Variants in CD2AP observed in about 807,000 individuals in gnomAD.
CD2AP encodes CD2 associated protein.
CD2AP carries 46 observed loss-of-function variants against 85.1 expected under a neutral mutation model. That is an observed-to-expected ratio of 0.54 (90% CI 0.43 to 0.69). The LOEUF is 0.69. CD2AP is among the 30% of genes least tolerant of loss of function. CD2AP has a pLI of 0.00. For synonymous variants in CD2AP, 255 were observed against 252.9 expected (o/e 1.01, Z -0.08); for missense variants, 769 against 729.5 (o/e 1.05, Z -0.62).
intron 2 of CD2AP, among the ~76,000 whole-genome samples, chr6:47,507,894 C>T (rs1179072407): frequency 6.6e-6 from 1 of 152,206 alleles, no homozygotes; most frequent in Non-Finnish European, 1.5e-5. Flanking sequence ...GATGCATCAT[C>T]AATATGCATT....
chr6:47,595,083 A>G (rs1395537009), intron 11 of CD2AP, among the ~76,000 whole-genome samples: 1 of 152,054 alleles, frequency 6.6e-6, no homozygotes, highest in Non-Finnish European at 1.5e-5. Flanking sequence ...TCATGTATGC[A>G]TGTGTCAATT....
At chr6:47,493,654 C>G (rs928942129) in intron 1 of CD2AP, among the ~76,000 whole-genome samples, 1 of 152,022 alleles carries the variant, frequency 6.6e-6, no homozygotes, top group East Asian at 1.9e-4. Flanking sequence ...ATATTCTGCT[C>G]TGTTTCCCCA....
In CD2AP at chr6:47,554,696, T is replaced by A. The variant is rs772227398; in HGVS notation, c.471T>A (p.Phe157Leu). 6.2e-7 allele frequency: 1 copy of A among 1,613,658 alleles called. No homozygotes were observed. Residue 157 changes from phenylalanine (F) to leucine (L), a missense_variant, in exon 5 of 18, where the codon TTT (phenylalanine) becomes TTA (leucine). Transcript: ENST00000359314. ...SGTLNNKLGL[F>L]PSNFVKELEV... ...CCCTGAATAACAAGTTGGGACTGTT[T>A]CCCTCAAATTTTGTGAAAGAATTAG...
At chr6:47,606,833 T>A (rs1769289537) in intron 14 of CD2AP, among the ~76,000 whole-genome samples, 1 of 152,064 alleles carries the variant, frequency 6.6e-6, no homozygotes. Context: ...TAAATTGTAC[T>A]CTTAGTTATT....
At chr6:47,499,270 C>T (rs1239521831) in intron 1 of CD2AP, among the ~76,000 whole-genome samples, 1 of 151,884 alleles carries the variant, frequency 6.6e-6, no homozygotes, top group Non-Finnish European at 1.5e-5. Context: ...TTGCTGGTTT[C>T]AGGTCCATTA....
chr6:47,586,836 G>C (rs1261681297), intron 11 of CD2AP, among the ~76,000 whole-genome samples: 3 of 152,138 alleles, frequency 2.0e-5, no homozygotes, highest in African/African-American at 7.2e-5. Context: ...GGAATGACTT[G>C]AAAACTTAAT....
At chr6:47,529,142 G>A (rs1315599037) in intron 2 of CD2AP, among the ~76,000 whole-genome samples, 1 of 142,270 alleles carries the variant, frequency 7.0e-6, no homozygotes, top group East Asian at 2.1e-4. Flanking sequence ...TATAACTTAG[G>A]GCACATTCTG....
chr6:47,626,614 T>C lies in CD2AP; in HGVS notation c.*2387T>C, dbSNP rs567065074. The C allele has an allele frequency of 1.3e-5, 2 of 152,522 alleles. No homozygotes were observed. Among genetic ancestry groups the C allele is most frequent in the African/African-American group, 4.8e-5 (2 of 41,570 alleles). 9.4% of individuals were successfully genotyped at this position (152,522 alleles called of 1,614,324 possible). ...TTTGTTTGTGACCACTAAGCTTCTGTCTTAATACAAAGCTGTTACCTTCTA... is the reference window on the plus strand; with the variant it reads ...TTTGTTTGTGACCACTAAGCTTCTGCCTTAATACAAAGCTGTTACCTTCTA... On this transcript the variant is annotated 3_prime_UTR_variant, in exon 18 of 18. Transcript: ENST00000359314.
chr6:47,609,988 C>T (rs568752322), intron 16 of CD2AP, among the ~76,000 whole-genome samples: 55 of 152,110 alleles, frequency 3.6e-4, no homozygotes, highest in Non-Finnish European at 7.1e-4. Flanking sequence ...TTGAGTTGGA[C>T]ATTTATAAAA....
intron 12 of CD2AP, among the ~76,000 whole-genome samples, chr6:47,597,330 AACT>A (rs1200119444): frequency 2.0e-5 from 3 of 150,726 alleles, no homozygotes; most frequent in Non-Finnish European, 4.5e-5. Flanking sequence ...AGAGCAGCTG[AACT>A]CCTCCACTAG....
intron 5 of CD2AP, among the ~76,000 whole-genome samples, chr6:47,572,800 C>T (rs538462423): frequency 1.7e-3 from 254 of 152,258 alleles, no homozygotes; most frequent in African/African-American, 5.9e-3. Flanking sequence ...TTAAGAAGCT[C>T]ATGTGGGCTT....
In CD2AP at chr6:47,626,170, T is replaced by C. The variant is rs1052932528; in HGVS notation, c.*1943T>C. 2.0e-5 allele frequency: 3 copies of C among 151,920 alleles called. No individual in the cohort carries two copies. The highest frequency in any genetic ancestry group is 7.2e-5 in the African/African-American group (3 of 41,418). 9.4% of individuals were successfully genotyped at this position (151,920 alleles called of 1,614,324 possible). A position where few individuals can be genotyped will look rare whatever the true frequency, so the allele number is the denominator to read the frequency against. ...AAGTTTTTGTTGGTCATTTTCTCAA[T>C]AGTACATGAAATCAAGATGCTTATG... On this transcript the variant is annotated 3_prime_UTR_variant, in exon 18 of 18. Coordinates refer to ENST00000359314, the MANE Select transcript of CD2AP (RefSeq NM_012120.3).
intron 2 of CD2AP, among the ~76,000 whole-genome samples, chr6:47,512,535 GA>G (rs1383412520): frequency 1.3e-5 from 2 of 152,176 alleles, no homozygotes; most frequent in Non-Finnish European, 2.9e-5. Context: ...GGCTTATTAT[GA>G]AAAACTTTAG....
In CD2AP at chr6:47,606,266, G is replaced by A; in HGVS notation, c.1519G>A (p.Gly507Ser). ...AAGAAGGTTGCCGGGCCGTTTCAAT[G>A]GTGGACATTCTGTGAGTTCATCTAA... is the stretch of plus-strand genomic sequence containing the variant. ...PGRRLPGRFN[G>S]GHSPTHSPEK... The change falls in exon 14 of 18, where the codon GGT (glycine) becomes AGT (serine). Residue 507 changes from glycine (G) to serine (S), a missense_variant. Gly to Ser is a moderately conservative substitution (Grantham distance 56, BLOSUM62 0). Coordinates refer to ENST00000359314, the MANE Select transcript of CD2AP (RefSeq NM_012120.3). 6.3e-7 allele frequency: 1 copy of A among 1,584,740 alleles called. No individual in the cohort carries two copies. Among genetic ancestry groups the A allele is most frequent in the Non-Finnish European group, 8.7e-7 (1 of 1,153,522 alleles).
chr6:47,502,425 G>T (rs1269875287), intron 1 of CD2AP, among the ~76,000 whole-genome samples: 2 of 151,846 alleles, frequency 1.3e-5, no homozygotes, highest in Non-Finnish European at 2.9e-5. Context: ...TGCCATGTCT[G>T]GCTGGTTTTT....
intron 11 of CD2AP, among the ~76,000 whole-genome samples, chr6:47,583,627 T>G (rs944550119): frequency 2.0e-5 from 3 of 152,228 alleles, no homozygotes; most frequent in African/African-American, 7.2e-5. Flanking sequence ...AAATAATATT[T>G]CAATGTCTTT....
intron 5 of CD2AP, among the ~76,000 whole-genome samples, chr6:47,570,032 C>A (rs1768107620): frequency 6.6e-6 from 1 of 152,110 alleles, no homozygotes; most frequent in African/African-American, 2.4e-5. Flanking sequence ...ACACCCGCAC[C>A]CACACCTGCA....
In CD2AP at chr6:47,505,286, C is replaced by G. The variant is rs1766110973; in HGVS notation, c.165+1846C>G. On this transcript the variant is annotated intron_variant, in intron 2 of 17. Transcript: ENST00000359314. ...TTAACAAAGCACATCTTGCACCGCC[C>G]TTAATCCATTTAACCCTGAGTGGAC... Among the ~76,000 whole-genome samples, 6 of 148,294 alleles carry G rather than the reference C, an allele frequency of 4.0e-5. No homozygotes were observed. In the South Asian group the frequency reaches 1.3e-3, roughly 33 times the overall value.
chr6:47,480,750 T>A (rs1011038279), intron 1 of CD2AP, among the ~76,000 whole-genome samples: 2 of 152,202 alleles, frequency 1.3e-5, no homozygotes, highest in Admixed American at 1.3e-4. Context: ...AAAATCTCAA[T>A]TTTTGACCTT....
Sources: allele counts gnomAD v4.1 joint callset (sites outside exome capture counted in the v4.1 genomes callset), GRCh38; gene constraint gnomAD v4.1.1; transcripts MANE v1.5; gene names NCBI Gene and HGNC (gene_info 2026-07-23, HGNC 2026-07-21).